Variants in DCTN5 observed in about 807,000 individuals in gnomAD.
DCTN5 encodes dynactin subunit 5, also known as dynactin 4.
In DCTN5, 14 loss-of-function variants were observed where a neutral mutation model predicts 23.5. The observed-to-expected ratio is 0.60, with a 90% CI of 0.39 to 0.93. The LOEUF (loss-of-function observed/expected upper bound fraction) is 0.93, where lower values mean the gene tolerates loss of function less well. DCTN5 is among the 40% of genes least tolerant of loss of function. DCTN5 has a pLI of 0.00. For missense variants in DCTN5, 156 were observed against 225.9 expected (o/e 0.69, Z 1.98); for synonymous variants, 67 against 79.6 (o/e 0.84, Z 0.84).
rs1251396416 is a variant in DCTN5, at chr16:23,641,639, T to C, written c.48+49T>C. The stretch of plus-strand genomic sequence containing the variant: ...CTCCTCTTTCCAACCCTGCGTCCCT[T>C]TGAGGCCTGGTCGGCGTTCCCAACC... On this transcript the variant is annotated intron_variant, in intron 1 of 5. Transcript: ENST00000300087. The C allele has an allele frequency of 3.7e-6, 6 of 1,607,702 alleles. No homozygotes were observed. The Middle Eastern group carries it at 5.0e-4, about 133-fold the overall frequency.
At chr16:23,645,471 A>G (rs2140971940) in intron 2 of DCTN5, among the ~76,000 whole-genome samples, 1 of 152,196 alleles carries the variant, frequency 6.6e-6, no homozygotes, top group East Asian at 1.9e-4. Flanking sequence ...TACATTCACA[A>G]TGTTGTGCAA....
At chr16:23,643,419 C>T (rs983005152) in intron 2 of DCTN5, among the ~76,000 whole-genome samples, 1 of 151,954 alleles carries the variant, frequency 6.6e-6, no homozygotes, top group South Asian at 2.1e-4. Flanking sequence ...TCTTGAACTC[C>T]TGCCCTCAAG....
chr16:23,641,646 C>G, intron 1 of DCTN5, 56 bp downstream of exon 1: 1 of 1,599,746 alleles, frequency 6.3e-7, no homozygotes, highest in Non-Finnish European at 8.6e-7. Flanking sequence ...CCTTTGAGGC[C>G]TGGTCGGCGT....
rs1194067317 is a variant in DCTN5 at position 23,672,082 on chromosome 16, A to T, written c.*4938A>T. 6.6e-6 allele frequency: 1 copy of T among 152,200 alleles called. No individual in the cohort carries two copies. Among genetic ancestry groups the T allele is most frequent in the Non-Finnish European group, 1.5e-5 (1 of 68,064 alleles). 9.4% of individuals were successfully genotyped at this position (152,200 alleles called of 1,614,324 possible). ...CTGGCTGCTCTTTCTGATTTCCCAC[A>T]GGAGCAGTAAGAACCTGAGGAAGAG... On this transcript the variant is annotated 3_prime_UTR_variant, in exon 6 of 6. Coordinates refer to ENST00000300087, the MANE Select transcript of DCTN5 (RefSeq NM_032486.4).
chr16:23,642,933 G>C (rs1567227310), intron 1 of DCTN5, 22 bp from the exon 2 acceptor site: 1 of 1,612,326 alleles, frequency 6.2e-7, no homozygotes, highest in Non-Finnish European at 8.5e-7. Flanking sequence ...GCTTTCCCCG[G>C]TTTTCCGTTG....
chr16:23,676,452 G>A lies in DCTN5; in HGVS notation c.*9308G>A, dbSNP rs1959226432. ...TGCACCTGTAGTCCCAGCTACTCGG[G>A]AGGCTGAGGCAGGAGAATCGCTTGA... On this transcript the variant is annotated 3_prime_UTR_variant, in exon 6 of 6. Coordinates refer to ENST00000300087, the MANE Select transcript of DCTN5 (RefSeq NM_032486.4). The A allele has an allele frequency of 6.6e-6, 1 of 152,368 alleles. No individual in the cohort carries two copies. Among genetic ancestry groups the A allele is most frequent in the Non-Finnish European group, 1.5e-5 (1 of 68,226 alleles). 9.4% of individuals were successfully genotyped at this position (152,368 alleles called of 1,614,324 possible). A position where few individuals can be genotyped will look rare whatever the true frequency, so the allele number is the denominator to read the frequency against.
rs2140977547 is a variant in DCTN5, at chr16:23,651,106, T to A, written c.118-7401T>A. On this transcript the variant is annotated intron_variant, in intron 2 of 5. Coordinates refer to ENST00000300087, the MANE Select transcript of DCTN5 (RefSeq NM_032486.4). Reference sequence around the variant, plus strand: ...TCCTGTAGGAGATAGCTAAAAAAAATTAAAAGAAATAAATAATAAAAATGC... The same window carrying A: ...TCCTGTAGGAGATAGCTAAAAAAAAATAAAAGAAATAAATAATAAAAATGC... 3.8e-6 allele frequency: 5 copies of A among 1,316,588 alleles called. No individual in the cohort carries two copies. The South Asian group carries it at 6.4e-5, about 17-fold the overall frequency. The allele number at this position is 1,316,588 out of a possible 1,614,324, so 81.6% of individuals were successfully genotyped here. A position where few individuals can be genotyped will look rare whatever the true frequency, so the allele number is the denominator to read the frequency against.
Position 23,668,781 on chromosome 16 carries a change from C to T in DCTN5, c.*1637C>T, listed in dbSNP as rs778544558. On this transcript the variant is annotated 3_prime_UTR_variant, in exon 6 of 6. Coordinates refer to ENST00000300087, the MANE Select transcript of DCTN5 (RefSeq NM_032486.4). ...GCTGATAGCTCCAGACCTGCATCCT[C>T]CTAGCTTGGGGGCTCTGAATGAAAG... 6.6e-6 allele frequency: 1 copy of T among 152,224 alleles called. No homozygotes were observed. The highest frequency in any genetic ancestry group is 1.5e-5 in the Non-Finnish European group (1 of 68,042). 9.4% of individuals were successfully genotyped at this position (152,224 alleles called of 1,614,324 possible).
At chr16:23,652,576 C>G (rs1197054118) in intron 2 of DCTN5, among the ~76,000 whole-genome samples, 1 of 152,154 alleles carries the variant, frequency 6.6e-6, no homozygotes, top group Admixed American at 6.5e-5. Flanking sequence ...CTGATGGGTA[C>G]ATCTATGCAA....
At chr16:23,645,104 TATATATATATATATA>T (rs1967407134) in intron 2 of DCTN5, among the ~76,000 whole-genome samples, 1 of 30,038 alleles carries the variant, frequency 3.3e-5, no homozygotes, top group African/African-American at 1.5e-4. Context: ...TATATATATA[TATATATATATATATA>T]TATATATATA....
At chr16:23,665,549 C>G (rs1967890105) in intron 4 of DCTN5, 77 bp from the exon 5 acceptor site, 2 of 1,375,216 alleles carry the variant, frequency 1.5e-6, no homozygotes, top group Non-Finnish European at 2.0e-6. Context: ...TACATGGTAT[C>G]ATGAATGGGG....
At position 23,663,542 on chromosome 16, in the gene DCTN5, C is replaced by T. The variant is rs142529067; in HGVS notation, c.349-2084C>T. On this transcript the variant is annotated intron_variant, in intron 4 of 5. Coordinates refer to ENST00000300087, the MANE Select transcript of DCTN5 (RefSeq NM_032486.4). Reference sequence around the variant, plus strand: ...CAGCCTGGCCAACATGGTGAAACCCCGTCTCTACTAAAAATACAAAAAAAT... The same window carrying T: ...CAGCCTGGCCAACATGGTGAAACCCTGTCTCTACTAAAAATACAAAAAAAT... 1.0e-2 allele frequency among the ~76,000 whole-genome samples: 1,516 copies of T among 152,082 alleles called. 25 individuals carry two copies. The highest frequency in any genetic ancestry group is 0.035 in the African/African-American group (1,435 of 41,488).
chr16:23,653,252 A>G (rs1281000329), intron 2 of DCTN5, among the ~76,000 whole-genome samples: 1 of 152,254 alleles, frequency 6.6e-6, no homozygotes, highest in East Asian at 1.9e-4. Context: ...AGCCAAGGCA[A>G]TCTTGAGCAA....
chr16:23,672,170 T>C lies in DCTN5; in HGVS notation c.*5026T>C, dbSNP rs1968017874. On this transcript the variant is annotated 3_prime_UTR_variant, in exon 6 of 6. Transcript: ENST00000300087. ...GAGCCCCAGGAACTGAAAAGGCCTG[T>C]GAGAGACTCTGAGCTTCCTGGGAAC... 1 of 152,194 alleles carries C rather than the reference T, an allele frequency of 6.6e-6. No individual in the cohort carries two copies. Among genetic ancestry groups the C allele is most frequent in the African/African-American group, 2.4e-5 (1 of 41,448 alleles). 9.4% of individuals were successfully genotyped at this position (152,194 alleles called of 1,614,324 possible). A position where few individuals can be genotyped will look rare whatever the true frequency, so the allele number is the denominator to read the frequency against.
At position 23,667,176 on chromosome 16, in the gene DCTN5, G is replaced by C; in HGVS notation, c.*32G>C. ...TGCCTCATGTCTTGAATCTGCTTGA[G>C]CTCTAAGATGAACCTGGGGACAAAG... On this transcript the variant is annotated 3_prime_UTR_variant, in exon 6 of 6. Transcript: ENST00000300087. 6.2e-7 allele frequency: 1 copy of C among 1,609,998 alleles called. No homozygotes were observed. Among genetic ancestry groups the C allele is most frequent in the Admixed American group, 1.7e-5 (1 of 59,970 alleles).
At chr16:23,665,383 G>A (rs2140987854) in intron 4 of DCTN5, among the ~76,000 whole-genome samples, 1 of 152,360 alleles carries the variant, frequency 6.6e-6, no homozygotes, top group East Asian at 1.9e-4. Flanking sequence ...AATTCAGTCT[G>A]TAATGTCTGA....
rs1968019606 is a variant in DCTN5, at chr16:23,672,257, C to T, written c.*5113C>T. 1 of 152,154 alleles carries T rather than the reference C, an allele frequency of 6.6e-6. No individual in the cohort carries two copies. The highest frequency in any genetic ancestry group is 1.5e-5 in the Non-Finnish European group (1 of 68,032). The allele number at this position is 152,154 out of a possible 1,614,324, so 9.4% of individuals were successfully genotyped here. A position where few individuals can be genotyped will look rare whatever the true frequency, so the allele number is the denominator to read the frequency against. On this transcript the variant is annotated 3_prime_UTR_variant, in exon 6 of 6. Coordinates refer to ENST00000300087, the MANE Select transcript of DCTN5 (RefSeq NM_032486.4). ...CAACTGTCAAAACCATGTGCCTGTA[C>T]TATTTGGAGTGCTGTCCTTGCAGAA...
chr16:23,654,774 C>G (rs1567231361), intron 2 of DCTN5, among the ~76,000 whole-genome samples: 1 of 152,122 alleles, frequency 6.6e-6, no homozygotes, highest in African/African-American at 2.4e-5. Flanking sequence ...CCTTTCTTGG[C>G]CTTTGGTAAC....
rs1967926146 is a variant in DCTN5, at chr16:23,667,368, C to G, written c.*224C>G. On this transcript the variant is annotated 3_prime_UTR_variant, in exon 6 of 6. Transcript: ENST00000300087. ...GCTGTCTTCAAATGCTGTGCTTACA[C>G]CTTATCTATGAACAGTCACTTTGTA... 5.3e-6 allele frequency: 3 copies of G among 569,924 alleles called. No individual in the cohort carries two copies. The highest frequency in any genetic ancestry group is 6.1e-5 in the Admixed American group (2 of 32,988). The allele number at this position is 569,924 out of a possible 1,614,324, so 35.3% of individuals were successfully genotyped here.
Sources: gnomAD v4.1 joint callset for allele counts (sites outside exome capture counted in the v4.1 genomes callset) on GRCh38, gnomAD v4.1.1 for gene constraint, MANE v1.5 for transcripts, NCBI Gene and HGNC (gene_info 2026-07-23, HGNC 2026-07-21) for gene names.